Variants in QSOX1 observed in about 807,000 individuals in gnomAD.
The protein encoded by QSOX1 is sulfhydryl oxidase 1.
A neutral mutation model predicts 76.1 loss-of-function variants in QSOX1; 40 were observed. The observed-to-expected ratio is 0.53, with a 90% confidence interval of 0.41 to 0.68. The LOEUF is 0.68. Among genes scored for constraint, QSOX1 ranks in the 30% least tolerant of loss-of-function variants. The probability of loss-of-function intolerance (pLI) is 0.00; values close to 1 mark genes in which losing one functional copy is unlikely to be tolerated. For missense variants in QSOX1, 931 were observed against 974.3 expected (o/e 0.96, Z 0.59); for synonymous variants, 392 against 413.1 (o/e 0.95, Z 0.62).
rs1176436723 is a variant in QSOX1 at position 180,200,962 on chromosome 1, A to T, written c.*3925A>T. Reference sequence around the variant, plus strand: ...TCAAGGAGTGGGGACACCCTGAAGGAATCCGCCTTTTCTAGAGCTCTCGCT... The same window carrying T: ...TCAAGGAGTGGGGACACCCTGAAGGTATCCGCCTTTTCTAGAGCTCTCGCT... On this transcript the variant is annotated 3_prime_UTR_variant, in exon 12 of 12. Coordinates refer to ENST00000367602, the MANE Select transcript of QSOX1 (RefSeq NM_002826.5). 6.6e-6 allele frequency: 1 copy of T among 152,176 alleles called. No individual in the cohort carries two copies. Among genetic ancestry groups the T allele is most frequent in the Non-Finnish European group, 1.5e-5 (1 of 68,040 alleles). 9.4% of individuals were successfully genotyped at this position (152,176 alleles called of 1,614,324 possible). A position where few individuals can be genotyped will look rare whatever the true frequency, so the allele number is the denominator to read the frequency against.
intron 2 of QSOX1, among the ~76,000 whole-genome samples, chr1:180,167,315 G>A (rs755273286): frequency 6.6e-6 from 1 of 152,232 alleles, no homozygotes; most frequent in Non-Finnish European, 1.5e-5. Flanking sequence ...CTCTGTCTCT[G>A]TAGCACCAGC....
chr1:180,178,498 G>A (rs1662950900), intron 4 of QSOX1, among the ~76,000 whole-genome samples: 1 of 152,254 alleles, frequency 6.6e-6, no homozygotes, highest in Non-Finnish European at 1.5e-5. Flanking sequence ...AAAGTGTTGG[G>A]ATTACAGGCG....
chr1:180,173,710 CTGA>C (rs1159098815), intron 2 of QSOX1, among the ~76,000 whole-genome samples: 1 of 152,106 alleles, frequency 6.6e-6, no homozygotes, highest in Non-Finnish European at 1.5e-5. Flanking sequence ...CAAGTCCTAG[CTGA>C]TCATGGTTCC....
At chr1:180,173,363 T>TA (rs913147701) in intron 2 of QSOX1, among the ~76,000 whole-genome samples, 63 of 152,340 alleles carry the variant, frequency 4.1e-4, no homozygotes, top group African/African-American at 1.5e-3. Context: ...ACATTATCAA[T>TA]ACGATCTCCT....
intron 1 of QSOX1, 138 bp downstream of exon 1, chr1:180,155,310 C>T (rs1331877551): frequency 1.3e-5 from 10 of 797,106 alleles, no homozygotes; most frequent in African/African-American, 3.7e-5. Context: ...GCGCATCCCA[C>T]GCCCACCACC....
At chr1:180,178,960 C>A in intron 5 of QSOX1, 76 bp downstream of exon 5, 1 of 1,341,980 alleles carries the variant, frequency 7.5e-7, no homozygotes, top group Admixed American at 1.7e-5. Context: ...CAGGGCTTTT[C>A]CTGCCAATTC....
intron 6 of QSOX1, among the ~76,000 whole-genome samples, chr1:180,183,359 G>A (rs74661504): frequency 5.2e-3 from 449 of 86,630 alleles, no homozygotes; most frequent in African/African-American, 0.018. Context: ...CCTCCCTGTC[G>A]GAAAAAAGAA....
Position 180,174,435 on chromosome 1 carries a change from G to A in QSOX1, c.367-886G>A, listed in dbSNP as rs542508425. Among the ~76,000 whole-genome samples, 4 of 152,328 alleles carry A rather than the reference G, an allele frequency of 2.6e-5. No individual in the cohort carries two copies. The East Asian group carries it at 5.8e-4, about 22-fold the overall frequency. The stretch of plus-strand genomic sequence containing the variant: ...TGTTTCCCCAGGGACTCAGGTCCCC[G>A]CTTCAAGAGAACCTGTTCTGGAGAC... On this transcript the variant is annotated intron_variant, in intron 2 of 11. Transcript: ENST00000367602.
At chr1:180,190,139 G>A (rs1449486736) in intron 9 of QSOX1, among the ~76,000 whole-genome samples, 1 of 152,224 alleles carries the variant, frequency 6.6e-6, no homozygotes, top group East Asian at 1.9e-4. Context: ...CAGCAGAGGT[G>A]TAAAACCCTG....
chr1:180,179,618 T>A (rs938097746), intron 5 of QSOX1, among the ~76,000 whole-genome samples: 7 of 152,246 alleles, frequency 4.6e-5, no homozygotes, highest in Non-Finnish European at 1.0e-4. Flanking sequence ...GACTTCTCCA[T>A]AGACCAGTTG....
intron 11 of QSOX1, 72 bp downstream of exon 11, chr1:180,194,464 A>T: frequency 6.9e-7 from 1 of 1,452,752 alleles, no homozygotes; most frequent in East Asian, 2.5e-5. Context: ...TGGGAGTCTT[A>T]GGCCAAAATT....
At chr1:180,175,463 G>A (rs1443765933) in intron 3 of QSOX1, 97 bp downstream of exon 3, 22 of 1,366,728 alleles carry the variant, frequency 1.6e-5, no homozygotes, top group Admixed American at 1.2e-4. Context: ...CCTGGCAGTC[G>A]GCAGGGTCGA....
intron 6 of QSOX1, among the ~76,000 whole-genome samples, chr1:180,183,164 C>T (rs1175386074): frequency 6.6e-6 from 1 of 152,042 alleles, no homozygotes; most frequent in Non-Finnish European, 1.5e-5. Flanking sequence ...ACGATGCTGC[C>T]TCCCGAGCCA....
chr1:180,194,136 A>C, intron 10 of QSOX1, 77 bp from the exon 11 acceptor site: 1 of 1,408,986 alleles, frequency 7.1e-7, no homozygotes, highest in East Asian at 2.5e-5. Context: ...GGGGGGCGGC[A>C]GGGTGGCCTG....
chr1:180,158,615 G>A (rs540908294), intron 1 of QSOX1, among the ~76,000 whole-genome samples: 35 of 152,280 alleles, frequency 2.3e-4, no homozygotes, highest in African/African-American at 7.2e-4. Context: ...GTTGGTGACC[G>A]CATAGTGCTG....
At chr1:180,195,682 T>A (rs1384568284) in intron 11 of QSOX1, among the ~76,000 whole-genome samples, 2 of 151,830 alleles carry the variant, frequency 1.3e-5, no homozygotes, top group African/African-American at 4.8e-5. Context: ...CCCCCAACTA[T>A]CCCTTGGAGC....
chr1:180,172,121 CGAG>C (rs1662773075), intron 2 of QSOX1, among the ~76,000 whole-genome samples: 1 of 152,084 alleles, frequency 6.6e-6, no homozygotes, highest in South Asian at 2.1e-4. Flanking sequence ...TGCGGTTACT[CGAG>C]AAGGAAGGAG....
intron 2 of QSOX1, among the ~76,000 whole-genome samples, 161 bp downstream of exon 2, chr1:180,166,752 A>G (rs886679030): frequency 2.6e-5 from 4 of 152,186 alleles, no homozygotes; most frequent in Non-Finnish European, 4.4e-5. Flanking sequence ...CCCACCTCCC[A>G]AGGTCCTCTT....
In QSOX1 at chr1:180,154,974, G is replaced by A. The variant is rs1035407004; in HGVS notation, c.67G>A (p.Ala23Thr). ...SLLLLLLWLLAVPGANAAPRS... is the reference protein window; with the variant it reads ...SLLLLLLWLLTVPGANAAPRS... ...GCTGCTGCTGCTGCTGTGGCTGCTCGCGGTTCCCGGCGCTAACGCGGCCCC... is the reference window on the plus strand; with the variant it reads ...GCTGCTGCTGCTGCTGTGGCTGCTCACGGTTCCCGGCGCTAACGCGGCCCC... The change falls in exon 1 of 12, where the codon GCG becomes ACG. Residue 23 changes from alanine to threonine, a missense_variant. Physicochemically the swap from Ala to Thr is moderately conservative, Grantham distance 58. Coordinates refer to ENST00000367602, the MANE Select transcript of QSOX1 (RefSeq NM_002826.5). 9 of 1,505,720 alleles carry A rather than the reference G, an allele frequency of 6.0e-6. No individual in the cohort carries two copies. The African/African-American group carries it at 1.3e-4, about 22-fold the overall frequency. 93.3% of individuals were successfully genotyped at this position (1,505,720 alleles called of 1,614,324 possible).
Sources: gnomAD v4.1 joint callset for allele counts (sites outside exome capture counted in the v4.1 genomes callset) on GRCh38, gnomAD v4.1.1 for gene constraint, MANE v1.5 for transcripts, NCBI Gene and HGNC (gene_info 2026-07-23, HGNC 2026-07-21) for gene names.